Variants in DYNC2H1 observed in about 807,000 individuals in gnomAD.
DYNC2H1 encodes dynein cytoplasmic 2 heavy chain 1.
DYNC2H1 carries 410 observed loss-of-function variants against 570.0 expected under a neutral mutation model. That is an observed-to-expected ratio of 0.72 (90% CI 0.66 to 0.78). The LOEUF is 0.78. Among genes scored for constraint, DYNC2H1 ranks in the 30% least tolerant of loss-of-function variants. The probability of loss-of-function intolerance (pLI) is 0.00; values close to 1 mark genes in which losing one functional copy is unlikely to be tolerated. For synonymous variants in DYNC2H1, 1,688 were observed against 1,677.6 expected, an observed-to-expected ratio of 1.01 and a Z score of -0.15; for missense variants, 4,865 against 5,046.4, an observed-to-expected ratio of 0.96 and a Z score of 1.09.
rs1420943378 is a variant in DYNC2H1, at chr11:103,256,774, C to T, written c.10461+534C>T. ...TGTCACCAATCCTATACTCATAGTT[C>T]GAACTTTTCTTCACATCAGAGATAG... On this transcript the variant is annotated intron_variant, in intron 68 of 88. Coordinates refer to ENST00000375735, the MANE Select transcript of DYNC2H1 (RefSeq NM_001377.3). This position sits in a 1 kb window ranked among gnomAD's most constrained non-coding sequence, Gnocchi z 4.0. 6.6e-6 allele frequency among the ~76,000 whole-genome samples: 1 copy of T among 152,100 alleles called. No individual in the cohort carries two copies. The highest frequency in any genetic ancestry group is 6.5e-5 in the Admixed American group (1 of 15,282).
chr11:103,295,294 A>C (rs965318720), intron 75 of DYNC2H1, among the ~76,000 whole-genome samples: 1 of 152,188 alleles, frequency 6.6e-6, no homozygotes, highest in Non-Finnish European at 1.5e-5. Context: ...CTGTCTGGTA[A>C]TGAGGAGGAA....
chr11:103,376,876 C>T (rs758204183), intron 83 of DYNC2H1, among the ~76,000 whole-genome samples: 1 of 152,142 alleles, frequency 6.6e-6, no homozygotes, highest in Non-Finnish European at 1.5e-5. Context: ...CTTTATTTCT[C>T]CTTCATTTCT....
intron 84 of DYNC2H1, among the ~76,000 whole-genome samples, chr11:103,416,150 C>T (rs1943272976): frequency 6.6e-6 from 1 of 152,216 alleles, no homozygotes; most frequent in African/African-American, 2.4e-5. Context: ...GGGCCTGTCC[C>T]AGGCTGGGGG....
rs967128061 is a variant in DYNC2H1 at position 103,256,566 on chromosome 11, G to A, written c.10461+326G>A. On this transcript the variant is annotated intron_variant, in intron 68 of 88. Coordinates refer to ENST00000375735, the MANE Select transcript of DYNC2H1 (RefSeq NM_001377.3). The surrounding 1 kb of genome is among the most constrained non-coding windows in gnomAD (Gnocchi z 4.0). ...ATGAGTATTAGAGAATATCTTTGCC[G>A]TTCTTAGAACTTTTCTTAAGTTAAG... Among the ~76,000 whole-genome samples the A allele has an allele frequency of 4.6e-5, 7 of 152,104 alleles. No homozygotes were observed. Among genetic ancestry groups the A allele is most frequent in the Admixed American group, 1.3e-4 (2 of 15,266 alleles).
At chr11:103,375,595 G>C (rs1941360429) in intron 83 of DYNC2H1, among the ~76,000 whole-genome samples, 3 of 152,236 alleles carry the variant, frequency 2.0e-5, no homozygotes, top group Non-Finnish European at 4.4e-5. Context: ...TTAGATTTGA[G>C]ACATGGAGTC....
intron 83 of DYNC2H1, among the ~76,000 whole-genome samples, chr11:103,384,906 T>A (rs1941811666): frequency 6.6e-6 from 1 of 152,112 alleles, no homozygotes; most frequent in Non-Finnish European, 1.5e-5. Context: ...ACTCTTGAGT[T>A]TTTATCTGAA....
At chr11:103,196,716 C>T (rs1278167751) in intron 47 of DYNC2H1, among the ~76,000 whole-genome samples, 1 of 151,940 alleles carries the variant, frequency 6.6e-6, no homozygotes, top group East Asian at 1.9e-4. Context: ...GTAGTTGTGG[C>T]GTGATAAGTA....
Position 103,267,552 on chromosome 11 carries a change from G to C in DYNC2H1, c.10695+7575G>C, listed in dbSNP as rs138602509. On this transcript the variant is annotated intron_variant, in intron 70 of 88. Transcript: ENST00000375735. Reference sequence around the variant, plus strand: ...TATGAAGATAACCTTCATAGTGATAGTTTCATTAGTTATAGATATCCTGTT... The same window carrying C: ...TATGAAGATAACCTTCATAGTGATACTTTCATTAGTTATAGATATCCTGTT... Among the ~76,000 whole-genome samples the C allele has an allele frequency of 1.9e-3, 287 of 151,952 alleles. 5 individuals carry two copies. In the East Asian group the frequency reaches 0.033, roughly 17 times the overall value.
At chr11:103,251,678 A>G (rs1176988918) in intron 65 of DYNC2H1, among the ~76,000 whole-genome samples, 2 of 152,124 alleles carry the variant, frequency 1.3e-5, no homozygotes, top group African/African-American at 4.8e-5. Context: ...CTTTGACTAC[A>G]TCTCCCATCC....
At chr11:103,118,095 G>A (rs1858509706) in intron 6 of DYNC2H1, among the ~76,000 whole-genome samples, 1 of 152,120 alleles carries the variant, frequency 6.6e-6, no homozygotes, top group African/African-American at 2.4e-5. Context: ...ATTGTAAAAA[G>A]ATAATCAGCC....
intron 88 of DYNC2H1, 33 bp from the exon 89 acceptor site, chr11:103,479,062 G>A (rs374061706): frequency 3.7e-6 from 6 of 1,609,754 alleles, no homozygotes; most frequent in Non-Finnish European, 4.2e-6. Context: ...ATAGTGTATT[G>A]CTTTATTTTA....
chr11:103,454,951 G>A, intron 85 of DYNC2H1: 1 of 430,474 alleles, frequency 2.3e-6, no homozygotes, highest in South Asian at 4.7e-5. Context: ...TTTATTTTGA[G>A]CAGATTTTTA....
In DYNC2H1 at chr11:103,399,656, C is replaced by A. The variant is rs761447505; in HGVS notation, c.12157-7C>A. 1 of 1,597,274 alleles carries A rather than the reference C, an allele frequency of 6.3e-7. No homozygotes were observed. The highest frequency in any genetic ancestry group is 8.6e-7 in the Non-Finnish European group (1 of 1,169,106). Reference sequence around the variant, plus strand: ...ATTCGGTAAATATTATGACATTTTTCTTTTAGAATTCAAACCTAATACATC... The same window carrying A: ...ATTCGGTAAATATTATGACATTTTTATTTTAGAATTCAAACCTAATACATC... On this transcript the variant is annotated splice_polypyrimidine_tract_variant and splice_region_variant and intron_variant, in intron 83 of 88. Coordinates refer to ENST00000375735, the MANE Select transcript of DYNC2H1 (RefSeq NM_001377.3).
chr11:103,231,063 A>G (rs768094938), intron 59 of DYNC2H1, among the ~76,000 whole-genome samples, 197 bp from the exon 60 acceptor site: 5 of 152,158 alleles, frequency 3.3e-5, no homozygotes, highest in Non-Finnish European at 7.3e-5. Flanking sequence ...ATAAATTCCT[A>G]GAAGTGGTAT....
At chr11:103,419,581 C>A (rs1195361477) in intron 84 of DYNC2H1, among the ~76,000 whole-genome samples, 10 of 150,494 alleles carry the variant, frequency 6.6e-5, no homozygotes, top group South Asian at 6.3e-4. Flanking sequence ...AAAAAAAAAA[C>A]CACACAGAAA....
At chr11:103,255,355 A>C (rs1398233337) in intron 66 of DYNC2H1, 60 bp from the exon 67 acceptor site, 2 of 1,507,392 alleles carry the variant, frequency 1.3e-6, no homozygotes, top group East Asian at 5.1e-5. Context: ...GTTTGCAGGA[A>C]GTTTTTGTTT....
rs1859400377 is a variant in DYNC2H1, at chr11:103,133,971, A to G, written c.2106+264A>G. On this transcript the variant is annotated intron_variant, in intron 14 of 88. Transcript: ENST00000375735. This position sits in a 1 kb window ranked among gnomAD's most constrained non-coding sequence, Gnocchi z 4.8. ...CTTTTTTTTTTCCAGGATACAATCT[A>G]GAATCCAACTCTGCCCTTAGTTGTT... is the stretch of plus-strand genomic sequence containing the variant. 6.6e-6 allele frequency among the ~76,000 whole-genome samples: 1 copy of G among 152,136 alleles called. No individual in the cohort carries two copies. The highest frequency in any genetic ancestry group is 2.1e-4 in the South Asian group (1 of 4,830).
intron 47 of DYNC2H1, among the ~76,000 whole-genome samples, chr11:103,197,272 A>G (rs1002898773): frequency 1.3e-5 from 2 of 151,986 alleles, no homozygotes; most frequent in Non-Finnish European, 2.9e-5. Context: ...TCTGAAATAG[A>G]AGGAGGAAAA....
At chr11:103,282,119 C>A in intron 71 of DYNC2H1, 60 bp from the exon 72 acceptor site, 1 of 1,514,226 alleles carries the variant, frequency 6.6e-7, no homozygotes, top group Non-Finnish European at 9.0e-7. Context: ...GAAAGTTAGA[C>A]AATTTTGTTA....
Sources: allele counts gnomAD v4.1 joint callset (sites outside exome capture counted in the v4.1 genomes callset), GRCh38; gene constraint gnomAD v4.1.1; non-coding constraint Gnocchi (gnomAD v3.1); transcripts MANE v1.5; gene names NCBI Gene and HGNC (gene_info 2026-07-23, HGNC 2026-07-21).